The following DPYD variants were observed in gnomAD, a reference collection of about 807,000 sequenced individuals.
DPYD encodes dihydropyrimidine dehydrogenase [NADP(+)].
Under a neutral mutation model 116.2 loss-of-function variants are expected in DPYD, and 109 were observed. The ratio of observed to expected loss-of-function variants is 0.94; its 90% CI spans 0.80 to 1.10. DPYD has a LOEUF of 1.10. Among genes scored for constraint, DPYD ranks in the 50% least tolerant of loss-of-function variants. The pLI is 0.00. For synonymous variants in DPYD, 440 were observed against 432.0 expected (o/e 1.02, Z -0.23); for missense variants, 1,302 against 1,254.5 (o/e 1.04, Z -0.57).
chr1:97,400,807 T>C (rs1673329508), intron 14 of DPYD, among the ~76,000 whole-genome samples: 1 of 152,170 alleles, frequency 6.6e-6, no homozygotes, highest in South Asian at 2.1e-4. Flanking sequence ...CCCTTTATCA[T>C]TTTGTATTGT....
At chr1:97,648,326 T>C (rs1027225337) in intron 8 of DPYD, among the ~76,000 whole-genome samples, 4 of 151,968 alleles carry the variant, frequency 2.6e-5, no homozygotes, top group African/African-American at 9.7e-5. Context: ...ATAAGCAAAC[T>C]GACTTAAAAC....
At chr1:97,361,789 T>C (rs1030313918) in intron 16 of DPYD, among the ~76,000 whole-genome samples, 2 of 152,222 alleles carry the variant, frequency 1.3e-5, no homozygotes, top group African/African-American at 4.8e-5. Context: ...AATTAGGTAT[T>C]GATGGAACAT....
chr1:97,639,604 G>A (rs1468506487), intron 8 of DPYD, among the ~76,000 whole-genome samples: 3 of 152,068 alleles, frequency 2.0e-5, no homozygotes, highest in Admixed American at 6.6e-5. Context: ...AAGGTGATGT[G>A]CTATATCAAA....
chr1:97,709,033 T>G (rs1662139027), intron 5 of DPYD, among the ~76,000 whole-genome samples: 1 of 151,978 alleles, frequency 6.6e-6, no homozygotes, highest in Non-Finnish European at 1.5e-5. Context: ...TTTCTGTTGA[T>G]TCTTTGGAAT....
At chr1:97,700,715 A>G (rs1571212981) in intron 5 of DPYD, among the ~76,000 whole-genome samples, 2 of 152,100 alleles carry the variant, frequency 1.3e-5, no homozygotes, top group East Asian at 3.8e-4. Context: ...ATTGAAAGAG[A>G]TACATACATA....
At chr1:97,238,482 C>T (rs1021801290) in intron 18 of DPYD, among the ~76,000 whole-genome samples, 1 of 151,986 alleles carries the variant, frequency 6.6e-6, no homozygotes, top group East Asian at 1.9e-4. Flanking sequence ...TTCTAAATTG[C>T]TATGTAGAAT....
intron 8 of DPYD, among the ~76,000 whole-genome samples, chr1:97,635,246 C>T (rs948256543): frequency 1.2e-4 from 18 of 152,030 alleles, no homozygotes; most frequent in African/African-American, 4.3e-4. Flanking sequence ...ACCTCAAGCC[C>T]GCACCTTCCT....
chr1:97,427,303 T>C (rs1674926328), intron 14 of DPYD, among the ~76,000 whole-genome samples: 1 of 152,032 alleles, frequency 6.6e-6, no homozygotes, highest in African/African-American at 2.4e-5. Context: ...CCTTCACTTT[T>C]TTTTTTCTGA....
chr1:97,563,895 C>A (rs1319095363), intron 11 of DPYD, among the ~76,000 whole-genome samples: 1 of 152,096 alleles, frequency 6.6e-6, no homozygotes, highest in African/African-American at 2.4e-5. Flanking sequence ...TGCAGAAATG[C>A]CAGTACTTAC....
At chr1:97,108,814 T>C (rs941401425) in intron 20 of DPYD, among the ~76,000 whole-genome samples, 2 of 152,100 alleles carry the variant, frequency 1.3e-5, no homozygotes, top group African/African-American at 4.8e-5. Context: ...ACACACTCTA[T>C]AGAAAATCAA....
intron 8 of DPYD, among the ~76,000 whole-genome samples, chr1:97,615,801 C>T (rs1441396684): frequency 6.6e-6 from 1 of 152,114 alleles, no homozygotes; most frequent in African/African-American, 2.4e-5. Context: ...ACCTTAGTCT[C>T]ATCTCCCCCA....
intron 5 of DPYD, chr1:97,720,347 C>A: frequency 2.0e-6 from 2 of 985,404 alleles, no homozygotes; most frequent in Non-Finnish European, 2.4e-6. Flanking sequence ...AATGGGTCCC[C>A]AAAGAAAAGT....
At chr1:97,276,528 C>T (rs1178326136) in intron 18 of DPYD, among the ~76,000 whole-genome samples, 2 of 151,898 alleles carry the variant, frequency 1.3e-5, no homozygotes, top group Middle Eastern at 3.2e-3. Flanking sequence ...AGAAGACATA[C>T]AAGTGGGCAA....
chr1:97,694,262 A>G (rs1661178478), intron 6 of DPYD, among the ~76,000 whole-genome samples: 2 of 152,352 alleles, frequency 1.3e-5, no homozygotes, highest in Admixed American at 1.3e-4. Flanking sequence ...TCAAGTAGGT[A>G]GGGGGTAGGT....
intron 13 of DPYD, among the ~76,000 whole-genome samples, chr1:97,455,806 G>A (rs756142428): frequency 9.2e-5 from 14 of 151,780 alleles, no homozygotes; most frequent in Non-Finnish European, 2.1e-4. Flanking sequence ...GGTTTTCTTG[G>A]AGGTGCAAAG....
intron 18 of DPYD, among the ~76,000 whole-genome samples, chr1:97,253,441 C>G (rs1036646695): frequency 1.3e-5 from 2 of 152,092 alleles, no homozygotes; most frequent in Admixed American, 6.6e-5. Flanking sequence ...TTTCAATAAA[C>G]TTAGATATGT....
rs754765162 is a variant in DPYD at position 97,841,544 on chromosome 1, C to G, written c.151-13348G>C. 1.0e-3 allele frequency among the ~76,000 whole-genome samples: 153 copies of G among 152,076 alleles called. 1 individual carries two copies. The highest frequency in any genetic ancestry group is 1.7e-3 in the Non-Finnish European group (113 of 67,874). On this transcript the variant is annotated intron_variant, in intron 2 of 22. Coordinates refer to ENST00000370192, the MANE Select transcript of DPYD (RefSeq NM_000110.4). ...AAAAGGAAACTGATGGCATCTCTCC[C>G]CACATGACTGTATGCAATCTTCAAT...
intron 20 of DPYD, among the ~76,000 whole-genome samples, chr1:97,152,307 T>C (rs1408380821): frequency 6.6e-6 from 1 of 152,134 alleles, no homozygotes. Flanking sequence ...TGGGAATGAA[T>C]GGACAATTGG....
At chr1:97,792,029 T>A (rs1667345730) in intron 3 of DPYD, among the ~76,000 whole-genome samples, 1 of 152,226 alleles carries the variant, frequency 6.6e-6, no homozygotes, top group Admixed American at 6.5e-5. Flanking sequence ...GCTGATGGAA[T>A]GGATTCATAC....
Sources: allele counts gnomAD v4.1 joint callset (sites outside exome capture counted in the v4.1 genomes callset), GRCh38; gene constraint gnomAD v4.1.1; transcripts MANE v1.5; gene names NCBI Gene and HGNC (gene_info 2026-07-23, HGNC 2026-07-21).